GUCY2D: variants seen among roughly 807,000 people sequenced by gnomAD.
GUCY2D encodes guanylate cyclase 2D, retinal, also known as retinal guanylyl cyclase 1.
A neutral mutation model predicts 101.3 loss-of-function variants in GUCY2D; 70 were observed. That is an observed-to-expected ratio of 0.69 (90% CI 0.57 to 0.84). GUCY2D has a LOEUF of 0.84. GUCY2D is among the 40% of genes least tolerant of loss of function. The pLI, the probability that GUCY2D is intolerant of heterozygous loss-of-function variation, is 0.00. For missense variants in GUCY2D, 1,460 were observed against 1,542.5 expected (o/e 0.95, Z 0.90); for synonymous variants, 688 against 670.7 (o/e 1.03, Z -0.40).
At position 8,006,516 on chromosome 17, in the gene GUCY2D, C is replaced by T. The variant is rs1207668008; in HGVS notation, c.1180C>T (p.Leu394=). The T allele has an allele frequency of 6.8e-6, 11 of 1,610,344 alleles. No individual in the cohort carries two copies. The Admixed American group carries it at 1.8e-4, about 27-fold the overall frequency. ...GCAGGTCCCTGGCTTCTGCGGGGAC[C>T]TAGGAGGAGACGAGGAGCCCCCATT... ...DAQVPGFCGD[L]GGDEEPPFVL... Residue 394 remains leucine (L), a synonymous_variant, in exon 4 of 20, where the codon CTA becomes TTA. Coordinates refer to ENST00000254854, the MANE Select transcript of GUCY2D (RefSeq NM_000180.4).
chr17:8,015,997 G>T lies in GUCY2D; in HGVS notation c.3114G>T (p.Glu1038Asp). The T allele has an allele frequency of 6.2e-7, 1 of 1,610,380 alleles. No homozygotes were observed. The highest frequency in any genetic ancestry group is 2.2e-5 in the East Asian group (1 of 44,736). Residue 1038 changes from glutamate to aspartate, a missense_variant, in exon 17 of 20, where the codon GAG (glutamate) becomes GAT (aspartate). By Grantham distance (45) the Glu-to-Asp change is conservative. Transcript: ENST00000254854. ...CTCTGGACTCGGGCTACCAGGTGGA[G>T]CTGCGAGGCCGCACGGAGCTGAAGG... is the stretch of plus-strand genomic sequence containing the variant. ...LRALDSGYQV[E>D]LRGRTELKGK...
In GUCY2D at chr17:8,013,846, G is replaced by C; in HGVS notation, c.2264-34G>C. 1 of 1,604,464 alleles carries C rather than the reference G, an allele frequency of 6.2e-7. No individual in the cohort carries two copies. Among genetic ancestry groups the C allele is most frequent in the Non-Finnish European group, 8.5e-7 (1 of 1,171,776 alleles). On this transcript the variant is annotated intron_variant, in intron 11 of 19. Transcript: ENST00000254854. The surrounding 1 kb of genome is among the most constrained non-coding windows in gnomAD (Gnocchi z 5.0). ...TCAGAGGCAGCCTTTGTGTTCTGGGGGCACTCCCCCTCACTGTCCCCTCAT... is the reference window on the plus strand; with the variant it reads ...TCAGAGGCAGCCTTTGTGTTCTGGGCGCACTCCCCCTCACTGTCCCCTCAT...
chr17:8,017,403 G>T (rs1299094005), intron 19 of GUCY2D, among the ~76,000 whole-genome samples: 2 of 152,174 alleles, frequency 1.3e-5, no homozygotes, highest in East Asian at 3.9e-4. Flanking sequence ...CAGAGGAAGT[G>T]GAGTTCTGTT....
At position 8,014,764 on chromosome 17, in the gene GUCY2D, C is replaced by T. The variant is rs374515716; in HGVS notation, c.2576C>T (p.Pro859Leu). The change falls in exon 13 of 20, where the codon CCG (proline) becomes CTG (leucine). Residue 859 changes from proline to leucine, a missense_variant and splice_region_variant. Around this residue, in one of 3 missense-constraint regions of GUCY2D, gnomAD observed 1,196 missense variants for 1,229.6 expected, o/e 0.97. Coordinates refer to ENST00000254854, the MANE Select transcript of GUCY2D (RefSeq NM_000180.4). This position sits in a 1 kb window ranked among gnomAD's most constrained non-coding sequence, Gnocchi z 4.0. The stretch of plus-strand genomic sequence containing the variant: ...CGGCTGCTTACACAGATGCTGCCTC[C>T]GTGGGTGCCAGTGGGAAGGGGTGGG... Reference protein sequence around the residue: ...TDRLLTQMLPPSVAEALKTGT... With the variant: ...TDRLLTQMLPLSVAEALKTGT... 3.7e-5 allele frequency: 22 copies of T among 592,396 alleles called. No individual in the cohort carries two copies. The East Asian group carries it at 4.6e-4, about 12-fold the overall frequency. 36.7% of individuals were successfully genotyped at this position (592,396 alleles called of 1,614,324 possible). A position where few individuals can be genotyped will look rare whatever the true frequency, so the allele number is the denominator to read the frequency against.
Position 8,003,464 on chromosome 17 carries a change from C to G in GUCY2D, c.417C>G (p.Leu139=). 1 of 1,522,294 alleles carries G rather than the reference C, an allele frequency of 6.6e-7. No homozygotes were observed. Among genetic ancestry groups the G allele is most frequent in the East Asian group, 2.5e-5 (1 of 39,450 alleles). 94.3% of individuals were successfully genotyped at this position (1,522,294 alleles called of 1,614,324 possible). ...CGGCCTGCCGGCCAGCCGAGCTGCT[C>G]GCCGAAGAAGCCGGGATCGCGCTGG... ...NPAACRPAEL[L]AEEAGIALVP... Residue 139 remains leucine, a synonymous_variant, in exon 2 of 20, where the codon CTC becomes CTG. Coordinates refer to ENST00000254854, the MANE Select transcript of GUCY2D (RefSeq NM_000180.4).
intron 9 of GUCY2D, 46 bp from the exon 10 acceptor site, chr17:8,012,403 AG>A: frequency 1.2e-6 from 2 of 1,612,628 alleles, no homozygotes. Flanking sequence ...ATGGGGAGCA[AG>A]GGAACCAAGC....
At chr17:8,004,916 G>A (rs1045324740) in intron 3 of GUCY2D, among the ~76,000 whole-genome samples, 1 of 152,170 alleles carries the variant, frequency 6.6e-6, no homozygotes, top group Non-Finnish European at 1.5e-5. Context: ...AATGGAGGGG[G>A]GAGGGGTGCA....
chr17:8,014,274 T>C lies in GUCY2D; in HGVS notation c.2412+246T>C. 1.6e-6 allele frequency: 1 copy of C among 606,818 alleles called. No homozygotes were observed. Among genetic ancestry groups the C allele is most frequent in the Non-Finnish European group, 2.9e-6 (1 of 341,076 alleles). The allele number at this position is 606,818 out of a possible 1,614,324, so 37.6% of individuals were successfully genotyped here. On this transcript the variant is annotated intron_variant, in intron 12 of 19. Transcript: ENST00000254854. The surrounding 1 kb of genome is among the most constrained non-coding windows in gnomAD (Gnocchi z 4.0). ...ATATTCAATTCAATTCAAATAACAC[T>C]GATTGAGAACCAAGTATGTGCTTGG... is the stretch of plus-strand genomic sequence containing the variant.
chr17:8,016,542 C>T lies in GUCY2D; in HGVS notation c.*12C>T. 2 of 1,527,514 alleles carry T rather than the reference C, an allele frequency of 1.3e-6. No homozygotes were observed. Among genetic ancestry groups the T allele is most frequent in the Non-Finnish European group, 1.8e-6 (2 of 1,127,794 alleles). 94.6% of individuals were successfully genotyped at this position (1,527,514 alleles called of 1,614,324 possible). On this transcript the variant is annotated 3_prime_UTR_variant, in exon 19 of 20. Transcript: ENST00000254854. ...GCCAGTTCTCTTGAGAAGTGAGGCCCGGCCCCGGACAGGTACTGCCCCCTC... is the reference window on the plus strand; with the variant it reads ...GCCAGTTCTCTTGAGAAGTGAGGCCTGGCCCCGGACAGGTACTGCCCCCTC...
chr17:8,018,503 C>T (rs1976016768), intron 19 of GUCY2D, among the ~76,000 whole-genome samples: 1 of 152,138 alleles, frequency 6.6e-6, no homozygotes. Flanking sequence ...AAACTAGCCA[C>T]CAAATTTCTT....
In GUCY2D at chr17:8,014,919, GAC is replaced by G. The variant is rs1975933940; in HGVS notation, c.2640_2641del (p.Leu881ValfsTer3). ...PVEPEYFEQV[T>X]LYFSDIVGFT... is the part of the protein sequence containing the mutation. ...TGGAGCCCGAGTACTTTGAGCAAGT[GAC>G]ACTGTACTTTAGTGACATTGTGGGC... On this transcript the variant is annotated frameshift_variant, in exon 14 of 20. Transcript: ENST00000254854. LOFTEE classifies it high-confidence loss of function. The surrounding 1 kb of genome is among the most constrained non-coding windows in gnomAD (Gnocchi z 4.0). The G allele has an allele frequency of 6.2e-7, 1 of 1,613,982 alleles. No homozygotes were observed. Among genetic ancestry groups the G allele is most frequent in the Non-Finnish European group, 8.5e-7 (1 of 1,179,984 alleles).
At chr17:8,007,791 G>A (rs1459759132) in intron 6 of GUCY2D, 140 bp from the exon 7 acceptor site, 13 of 711,718 alleles carry the variant, frequency 1.8e-5, no homozygotes, top group Non-Finnish European at 2.6e-5. Flanking sequence ...GTGCACTTGG[G>A]GAGTAATGTC....
chr17:8,018,830 T>G (rs897796793), intron 19 of GUCY2D, among the ~76,000 whole-genome samples: 1 of 151,894 alleles, frequency 6.6e-6, no homozygotes, highest in Admixed American at 6.6e-5. Context: ...GACGGGACTT[T>G]GCCTTCTTTT....
intron 8 of GUCY2D, among the ~76,000 whole-genome samples, chr17:8,010,043 A>T (rs1055599866): frequency 1.3e-5 from 2 of 151,746 alleles, no homozygotes; most frequent in African/African-American, 4.8e-5. Flanking sequence ...ATTCTCTGCC[A>T]CACCACTAGT....
Position 8,007,434 on chromosome 17 carries a change from T to C in GUCY2D, c.1472T>C (p.Leu491Pro), listed in dbSNP as rs1463384120. 1.9e-6 allele frequency: 3 copies of C among 1,610,604 alleles called. No homozygotes were observed. The Admixed American group carries it at 5.0e-5, about 27-fold the overall frequency. ...ACCTCTTTCTCCACCAGGCACCGGC[T>C]ACTTCACATGCAAATGGTCTCCGGC... ...AFLAHYVRHR[L>P]LHMQMVSGPN... The change falls in exon 6 of 20, where the codon CTA becomes CCA. Residue 491 changes from leucine to proline, a missense_variant. Around this residue, in one of 3 missense-constraint regions of GUCY2D, gnomAD observed 1,196 missense variants for 1,229.6 expected, o/e 0.97. Transcript: ENST00000254854.
Position 8,004,141 on chromosome 17 carries a change from C to T in GUCY2D, c.1011C>T (p.Asp337=). 1 of 1,592,968 alleles carries T rather than the reference C, an allele frequency of 6.3e-7. No homozygotes were observed. The highest frequency in any genetic ancestry group is 1.1e-5 in the South Asian group (1 of 90,688). ...AAGAGCGCCGCGAGCTGCCCTCTGA[C>T]CTCAATCTGCAGCAGGTAGACGGTC... The part of the protein sequence containing the change: ...RAQERRELPS[D]LNLQQVSPLF... Residue 337 remains aspartate (D), a synonymous_variant, in exon 3 of 20, where the codon GAC becomes GAT. Coordinates refer to ENST00000254854, the MANE Select transcript of GUCY2D (RefSeq NM_000180.4).
In GUCY2D at chr17:8,014,424, C is replaced by T. The variant is rs752812981; in HGVS notation, c.2413-177C>T. On this transcript the variant is annotated intron_variant, in intron 12 of 19. Transcript: ENST00000254854. The surrounding 1 kb of genome is among the most constrained non-coding windows in gnomAD (Gnocchi z 4.0). ...CCTCATTTCCCACGTGCCTCCTAAT[C>T]GTGTCTGAAAACACAGTGCCCAGCA... The T allele has an allele frequency of 1.3e-4, 89 of 688,674 alleles. No individual in the cohort carries two copies. The highest frequency in any genetic ancestry group is 1.8e-4 in the Non-Finnish European group (70 of 380,712). 42.7% of individuals were successfully genotyped at this position (688,674 alleles called of 1,614,324 possible).
chr17:8,007,276 C>G, intron 5 of GUCY2D, 132 bp downstream of exon 5: 1 of 906,908 alleles, frequency 1.1e-6, no homozygotes, highest in Non-Finnish European at 1.8e-6. Flanking sequence ...TTCTGGTGGG[C>G]TGGTAGAGTC....
intron 2 of GUCY2D, 27 bp from the exon 3 acceptor site, chr17:8,003,815 AGCCGGACGGC>A: frequency 6.2e-7 from 1 of 1,604,154 alleles, no homozygotes. Flanking sequence ...TCCTGCCGGC[AGCCGGACGGC>A]GCCGCGAGCC....
Sources: gnomAD v4.1 joint callset for allele counts (sites outside exome capture counted in the v4.1 genomes callset) on GRCh38, gnomAD v4.1.1 for gene constraint, gnomAD v4.1.1 regional missense constraint, Gnocchi (gnomAD v3.1) non-coding constraint, MANE v1.5 for transcripts, NCBI Gene and HGNC (gene_info 2026-07-23, HGNC 2026-07-21) for gene names.